XKR4: variants seen among roughly 807,000 people sequenced by gnomAD.
XKR4 encodes XK-related protein 4.
Under a neutral mutation model 53.9 loss-of-function variants are expected in XKR4, and 12 were observed. The observed-to-expected ratio is 0.22, with a 90% CI of 0.14 to 0.36. XKR4 has a LOEUF of 0.36. XKR4 is among the 10% of genes least tolerant of loss of function. The probability of loss-of-function intolerance (pLI) is 1.00; values close to 1 mark genes in which losing one functional copy is unlikely to be tolerated. For synonymous variants in XKR4, 354 were observed against 362.4 expected (o/e 0.98, Z 0.26); for missense variants, 799 against 859.5 (o/e 0.93, Z 0.88).
chr8:55,103,019 C>T lies in XKR4; in HGVS notation c.531C>T (p.Ala177=). Residue 177 remains alanine, a synonymous_variant, in exon 1 of 3, where the codon GCC becomes GCT. Transcript: ENST00000327381. ...FVHDFSTEDS[A]TAAAASSCPQ... is the part of the protein sequence containing the mutation. ...ACGATTTCAGCACCGAGGACAGCGC[C>T]ACGGCCGCTGCTGCCTCCAGCTGCC... The T allele has an allele frequency of 1.2e-6, 2 of 1,612,432 alleles. No individual in the cohort carries two copies. Among genetic ancestry groups the T allele is most frequent in the Non-Finnish European group, 1.7e-6 (2 of 1,179,786 alleles).
chr8:55,324,024 T>C (rs1279289292), intron 1 of XKR4, among the ~76,000 whole-genome samples: 9 of 152,222 alleles, frequency 5.9e-5, no homozygotes, highest in Non-Finnish European at 1.2e-4. Context: ...CTTTATCTTA[T>C]ATAGTACAGT....
chr8:55,311,890 G>T (rs1819395514), intron 1 of XKR4, among the ~76,000 whole-genome samples: 3 of 146,494 alleles, frequency 2.0e-5, no homozygotes, highest in Non-Finnish European at 4.5e-5. Flanking sequence ...CACAAGAAGA[G>T]CTTCTGCAGT....
At chr8:55,108,672 G>A (rs187692380) in intron 1 of XKR4, among the ~76,000 whole-genome samples, 36 of 152,182 alleles carry the variant, frequency 2.4e-4, no homozygotes, top group Non-Finnish European at 4.6e-4. Context: ...TATTTTCTTA[G>A]GATACAGTGG....
intron 1 of XKR4, among the ~76,000 whole-genome samples, chr8:55,293,562 A>G (rs1180190171): frequency 6.6e-6 from 1 of 152,156 alleles, no homozygotes; most frequent in East Asian, 1.9e-4. Context: ...TTTGAGAAAC[A>G]CTTTATATAT....
At chr8:55,318,834 T>G (rs1803161968) in intron 1 of XKR4, among the ~76,000 whole-genome samples, 1 of 151,872 alleles carries the variant, frequency 6.6e-6, no homozygotes, top group South Asian at 2.1e-4. Flanking sequence ...AGGAAAAGAG[T>G]TGTTATAAGT....
At chr8:55,497,198 A>G (rs57653100) in intron 2 of XKR4, among the ~76,000 whole-genome samples, 8,032 of 152,280 alleles carry the variant, frequency 0.053, 596 homozygotes, top group East Asian at 0.28. Context: ...CCATTTCCCT[A>G]TTACGCTAAG....
At chr8:55,209,273 A>G (rs537641949) in intron 1 of XKR4, among the ~76,000 whole-genome samples, 1 of 151,756 alleles carries the variant, frequency 6.6e-6, no homozygotes, top group East Asian at 1.9e-4. Flanking sequence ...AGAGGCATGC[A>G]CTGAGCTCAG....
At chr8:55,140,722 C>A (rs1816691178) in intron 1 of XKR4, among the ~76,000 whole-genome samples, 1 of 152,150 alleles carries the variant, frequency 6.6e-6, no homozygotes. Flanking sequence ...GTGCTTGGCC[C>A]TGGGCTGGCT....
intron 2 of XKR4, chr8:55,451,895 C>A: frequency 1.2e-6 from 1 of 837,500 alleles, no homozygotes; most frequent in African/African-American, 1.7e-5. Flanking sequence ...TCCAGCTCTT[C>A]CGACACTGAG....
At chr8:55,248,250 C>T (rs1483078928) in intron 1 of XKR4, among the ~76,000 whole-genome samples, 5 of 152,184 alleles carry the variant, frequency 3.3e-5, no homozygotes, top group Non-Finnish European at 5.9e-5. Context: ...AACCCAGTTT[C>T]TAATAATATT....
At chr8:55,210,445 CTA>C (rs1817714608) in intron 1 of XKR4, among the ~76,000 whole-genome samples, 1 of 152,094 alleles carries the variant, frequency 6.6e-6, no homozygotes, top group Admixed American at 6.5e-5. Context: ...GTTACCACAC[CTA>C]TGTGTGATCA....
chr8:55,390,347 C>T, intron 2 of XKR4, among the ~76,000 whole-genome samples: 1 of 152,254 alleles, frequency 6.6e-6, no homozygotes, highest in East Asian at 1.9e-4. Flanking sequence ...ATTTTTATAT[C>T]AGAAAGGAAT....
At chr8:55,404,004 A>G (rs1199755997) in intron 2 of XKR4, among the ~76,000 whole-genome samples, 1 of 152,154 alleles carries the variant, frequency 6.6e-6, no homozygotes, top group African/African-American at 2.4e-5. Context: ...TTATGACCTC[A>G]ACCTGCTATA....
intron 1 of XKR4, among the ~76,000 whole-genome samples, chr8:55,351,714 T>C (rs1803725887): frequency 6.6e-6 from 1 of 152,218 alleles, no homozygotes; most frequent in Non-Finnish European, 1.5e-5. Context: ...CCAACATCAC[T>C]GGCCCCCCTG....
rs561471072 is a variant in XKR4 at position 55,273,347 on chromosome 8, G to A, written c.807-84331G>A. On this transcript the variant is annotated intron_variant, in intron 1 of 2. Coordinates refer to ENST00000327381, the MANE Select transcript of XKR4 (RefSeq NM_052898.2). ...AAGCTGTCCTTATTCATTCCTAGGC[G>A]TAGGCTGAACTAACTTTGGGAGAAG... Among the ~76,000 whole-genome samples the A allele has an allele frequency of 1.4e-4, 21 of 152,256 alleles. No individual in the cohort carries two copies. The South Asian group carries it at 3.3e-3, about 24-fold the overall frequency.
intron 1 of XKR4, among the ~76,000 whole-genome samples, chr8:55,240,237 G>A (rs1002720453): frequency 2.0e-5 from 3 of 151,868 alleles, no homozygotes; most frequent in Non-Finnish European, 2.9e-5. Flanking sequence ...GCCCCAAATA[G>A]TAAAAGGATA....
intron 2 of XKR4, among the ~76,000 whole-genome samples, chr8:55,495,192 C>T (rs1299221335): frequency 6.6e-6 from 1 of 152,214 alleles, no homozygotes; most frequent in South Asian, 2.1e-4. Flanking sequence ...GACTTGTCCC[C>T]TACTTTGCTC....
At chr8:55,297,140 T>C (rs1224696788) in intron 1 of XKR4, among the ~76,000 whole-genome samples, 2 of 152,122 alleles carry the variant, frequency 1.3e-5, no homozygotes, top group African/African-American at 2.4e-5. Context: ...GGCTGGAGGA[T>C]TGGTGTCTAC....
intron 1 of XKR4, among the ~76,000 whole-genome samples, chr8:55,295,260 C>T (rs1819085431): frequency 6.6e-6 from 1 of 152,044 alleles, no homozygotes; most frequent in South Asian, 2.1e-4. Flanking sequence ...TAATGAATGA[C>T]ATGAGAAAGA....
Sources: allele counts gnomAD v4.1 joint callset (sites outside exome capture counted in the v4.1 genomes callset), GRCh38; gene constraint gnomAD v4.1.1; transcripts MANE v1.5; gene names NCBI Gene and HGNC (gene_info 2026-07-23, HGNC 2026-07-21).